The following CCDC83 variants were observed in gnomAD, a reference collection of about 807,000 sequenced individuals.
CCDC83 encodes the protein coiled-coil domain-containing protein 83.
Under a neutral mutation model 50.1 loss-of-function variants are expected in CCDC83, and 54 were observed. The ratio of observed to expected loss-of-function variants is 1.08; its 90% CI spans 0.87 to 1.35. CCDC83 has a LOEUF of 1.35. Ranked by LOEUF, CCDC83 falls within the 40% of genes most tolerant of loss-of-function variation. The pLI, the probability that CCDC83 is intolerant of heterozygous loss-of-function variation, is 0.00. For missense variants in CCDC83, 518 were observed against 473.9 expected (o/e 1.09, Z -0.86); for synonymous variants, 161 against 153.3 (o/e 1.05, Z -0.37).
At chr11:85,903,429 G>C (rs912546979) in intron 7 of CCDC83, among the ~76,000 whole-genome samples, 1 of 151,824 alleles carries the variant, frequency 6.6e-6, no homozygotes, top group African/African-American at 2.4e-5. Context: ...CAAGAAGCTG[G>C]GATTACAGGC....
chr11:85,905,176 C>T (rs1001839214), intron 7 of CCDC83, among the ~76,000 whole-genome samples: 1 of 151,458 alleles, frequency 6.6e-6, no homozygotes, highest in Admixed American at 6.6e-5. Flanking sequence ...GGCGCAGTGG[C>T]TCACACCTGT....
chr11:85,883,727 A>G (rs1434339874), intron 4 of CCDC83, among the ~76,000 whole-genome samples: 1 of 152,200 alleles, frequency 6.6e-6, no homozygotes, highest in Non-Finnish European at 1.5e-5. Context: ...ATCATTTGTT[A>G]GCCCTTAGGA....
At chr11:85,892,284 C>CCCCCTTG (rs1175491325) in intron 5 of CCDC83, among the ~76,000 whole-genome samples, 14 of 152,142 alleles carry the variant, frequency 9.2e-5, no homozygotes, top group Non-Finnish European at 1.5e-5. Flanking sequence ...CTGCCAAGCT[C>CCCCCTTG]CCCCTTGCAG....
At chr11:85,882,220 A>G (rs982885003) in intron 3 of CCDC83, among the ~76,000 whole-genome samples, 4 of 152,208 alleles carry the variant, frequency 2.6e-5, no homozygotes, top group South Asian at 2.1e-4. Flanking sequence ...TTAGTTTACA[A>G]TCTTCCTGGT....
At chr11:85,904,662 A>AT (rs2093417110) in intron 7 of CCDC83, among the ~76,000 whole-genome samples, 1 of 152,048 alleles carries the variant, frequency 6.6e-6, no homozygotes, top group South Asian at 2.1e-4. Context: ...CCTGCCAAAT[A>AT]TTTTCACGTG....
chr11:85,874,462 A>C (rs1053369049), intron 3 of CCDC83, among the ~76,000 whole-genome samples: 2 of 152,180 alleles, frequency 1.3e-5, no homozygotes, highest in African/African-American at 4.8e-5. Flanking sequence ...AGAAATAGTT[A>C]AAGTTCTTGT....
chr11:85,875,416 C>T (rs755306540), intron 3 of CCDC83, among the ~76,000 whole-genome samples: 38 of 152,210 alleles, frequency 2.5e-4, no homozygotes, highest in Non-Finnish European at 4.4e-4. Flanking sequence ...ACTGCTCCAC[C>T]TTTTGCTTAC....
chr11:85,865,458 G>A (rs183084521), intron 2 of CCDC83, among the ~76,000 whole-genome samples: 1 of 152,210 alleles, frequency 6.6e-6, no homozygotes, highest in Non-Finnish European at 1.5e-5. Context: ...AATGAAATGA[G>A]AGCTGCTATG....
At chr11:85,885,442 T>G (rs1307457894) in intron 4 of CCDC83, among the ~76,000 whole-genome samples, 1 of 152,208 alleles carries the variant, frequency 6.6e-6, no homozygotes, top group Non-Finnish European at 1.5e-5. Flanking sequence ...CAAGGTGATA[T>G]ATGGTGATGA....
intron 5 of CCDC83, among the ~76,000 whole-genome samples, chr11:85,891,107 T>C (rs956439770): frequency 6.6e-6 from 1 of 152,340 alleles, no homozygotes; most frequent in Non-Finnish European, 1.5e-5. Flanking sequence ...GTCCCTCTCA[T>C]TGGCACCTCT....
intron 3 of CCDC83, among the ~76,000 whole-genome samples, chr11:85,874,948 C>T (rs1291406344): frequency 2.0e-5 from 3 of 152,182 alleles, no homozygotes; most frequent in Non-Finnish European, 4.4e-5. Context: ...TGCTCCTTAG[C>T]TCAGCTAGGT....
At chr11:85,913,320 A>G (rs1274242775) in intron 8 of CCDC83, among the ~76,000 whole-genome samples, 1 of 152,170 alleles carries the variant, frequency 6.6e-6, no homozygotes, top group African/African-American at 2.4e-5. Flanking sequence ...GCTTTACTAG[A>G]TTGTAAACTC....
chr11:85,900,496 C>G (rs1332775104), intron 7 of CCDC83, among the ~76,000 whole-genome samples: 5 of 152,160 alleles, frequency 3.3e-5, no homozygotes, highest in Non-Finnish European at 7.3e-5. Context: ...ATACCACATA[C>G]AGTCTCCAGT....
At chr11:85,905,813 CA>C (rs1198620932) in intron 7 of CCDC83, among the ~76,000 whole-genome samples, 1 of 142,198 alleles carries the variant, frequency 7.0e-6, no homozygotes, top group Admixed American at 6.9e-5. Context: ...ATTAAAAACA[CA>C]AAAAATTAGC....
rs746558843 is a variant in CCDC83 at position 85,916,252 on chromosome 11, C to T, written c.1080+19C>T. Reference sequence around the variant, plus strand: ...TTTCAAGGTAAGATTCATAACAACACAACTTTGACTACTAAGAAAATGCTG... The same window carrying T: ...TTTCAAGGTAAGATTCATAACAACATAACTTTGACTACTAAGAAAATGCTG... On this transcript the variant is annotated intron_variant, in intron 10 of 10. Transcript: ENST00000342404. The T allele has an allele frequency of 6.0e-6, 9 of 1,503,400 alleles. No homozygotes were observed. In the Admixed American group the frequency reaches 7.2e-5, roughly 12 times the overall value. 93.1% of individuals were successfully genotyped at this position (1,503,400 alleles called of 1,614,324 possible). A position where few individuals can be genotyped will look rare whatever the true frequency, so the allele number is the denominator to read the frequency against.
intron 5 of CCDC83, among the ~76,000 whole-genome samples, chr11:85,888,463 T>C (rs956421137): frequency 6.6e-6 from 1 of 152,242 alleles, no homozygotes; most frequent in Non-Finnish European, 1.5e-5. Context: ...CATCTGTTCA[T>C]ATCTGTCACC....
chr11:85,864,846 G>A (rs2093197673), intron 1 of CCDC83, among the ~76,000 whole-genome samples: 1 of 152,210 alleles, frequency 6.6e-6, no homozygotes, highest in East Asian at 1.9e-4. Flanking sequence ...AATAACATAA[G>A]AGAGGGAGTC....
Position 85,865,096 on chromosome 11 carries a change from G to C in CCDC83, c.-28G>C, listed in dbSNP as rs753726842. 7.0e-7 allele frequency: 1 copy of C among 1,426,074 alleles called. No individual in the cohort carries two copies. The highest frequency in any genetic ancestry group is 9.9e-7 in the Non-Finnish European group (1 of 1,012,594). The allele number at this position is 1,426,074 out of a possible 1,614,324, so 88.3% of individuals were successfully genotyped here. A position where few individuals can be genotyped will look rare whatever the true frequency, so the allele number is the denominator to read the frequency against. ...TTTCGTATGTCTCCTTTCTAAACAG[G>C]TATATTTCTTCATAGCTAACCAGCA... On this transcript the variant is annotated splice_region_variant and 5_prime_UTR_variant, in exon 2 of 11. Coordinates refer to ENST00000342404, the MANE Select transcript of CCDC83 (RefSeq NM_001286159.2).
intron 4 of CCDC83, among the ~76,000 whole-genome samples, chr11:85,885,126 A>C (rs755104601): frequency 3.9e-5 from 6 of 152,048 alleles, no homozygotes; most frequent in Non-Finnish European, 7.4e-5. Context: ...AGGCAGGAGA[A>C]TCACTTGAAC....
Sources: allele counts gnomAD v4.1 joint callset (sites outside exome capture counted in the v4.1 genomes callset), GRCh38; gene constraint gnomAD v4.1.1; transcripts MANE v1.5; gene names NCBI Gene and HGNC (gene_info 2026-07-23, HGNC 2026-07-21).